GALNTL6: variants seen among roughly 807,000 people sequenced by gnomAD.
The protein encoded by GALNTL6 is polypeptide N-acetylgalactosaminyltransferase like 6.
In GALNTL6, 46 loss-of-function variants were observed where a neutral mutation model predicts 73.7. That is an observed-to-expected ratio of 0.62 (90% CI 0.49 to 0.80). The LOEUF (loss-of-function observed/expected upper bound fraction) is 0.80, where lower values mean the gene tolerates loss of function less well. Among genes scored for constraint, GALNTL6 ranks in the 30% least tolerant of loss-of-function variants. The probability of loss-of-function intolerance (pLI) is 0.00; values close to 1 mark genes in which losing one functional copy is unlikely to be tolerated. For missense variants in GALNTL6, 604 were observed against 755.0 expected (o/e 0.80, Z 2.34); for synonymous variants, 259 against 263.7 (o/e 0.98, Z 0.17).
At chr4:172,168,279 G>A (rs1226721088) in intron 2 of GALNTL6, among the ~76,000 whole-genome samples, 1 of 149,550 alleles carries the variant, frequency 6.7e-6, no homozygotes, top group Admixed American at 6.6e-5. Flanking sequence ...TGTTTGTTTT[G>A]TTTTGTTTTG....
At chr4:171,830,530 A>G (rs907900529) in intron 2 of GALNTL6, among the ~76,000 whole-genome samples, 13 of 152,306 alleles carry the variant, frequency 8.5e-5, no homozygotes, top group African/African-American at 2.9e-4. Flanking sequence ...CACAATCAAA[A>G]TATGTATAAA....
At chr4:172,587,556 T>C (rs1737461203) in intron 5 of GALNTL6, among the ~76,000 whole-genome samples, 1 of 152,204 alleles carries the variant, frequency 6.6e-6, no homozygotes, top group Admixed American at 6.5e-5. Context: ...ACCTTTCCAA[T>C]GTAATCTCTC....
At chr4:172,138,536 T>A (rs1733716297) in intron 2 of GALNTL6, among the ~76,000 whole-genome samples, 1 of 61,502 alleles carries the variant, frequency 1.6e-5, no homozygotes, top group Non-Finnish European at 3.3e-5. Flanking sequence ...TTTTTTTTTT[T>A]TTTTTTTTTT....
intron 5 of GALNTL6, among the ~76,000 whole-genome samples, chr4:172,642,061 C>CA: frequency 6.6e-6 from 1 of 151,944 alleles, no homozygotes; most frequent in East Asian, 1.9e-4. Context: ...TGGTTATTAT[C>CA]AAAAATACAA....
intron 7 of GALNTL6, among the ~76,000 whole-genome samples, chr4:172,827,155 T>G (rs1027113495): frequency 2.0e-5 from 3 of 152,174 alleles, no homozygotes; most frequent in Non-Finnish European, 1.5e-5. Flanking sequence ...CAGCTCTACT[T>G]AAGTTCTAAG....
At chr4:171,960,521 C>T (rs1560860210) in intron 2 of GALNTL6, among the ~76,000 whole-genome samples, 2 of 151,936 alleles carry the variant, frequency 1.3e-5, no homozygotes, top group Non-Finnish European at 2.9e-5. Flanking sequence ...CTCAGGCAAT[C>T]CACCCACCTC....
At chr4:171,881,681 A>T (rs1008734989) in intron 2 of GALNTL6, among the ~76,000 whole-genome samples, 10 of 152,170 alleles carry the variant, frequency 6.6e-5, no homozygotes, top group African/African-American at 1.7e-4. Context: ...TTTAGGGAAT[A>T]CTTTTTCTCT....
intron 2 of GALNTL6, among the ~76,000 whole-genome samples, chr4:171,998,006 A>T (rs1184980971): frequency 6.6e-6 from 1 of 152,162 alleles, no homozygotes; most frequent in Non-Finnish European, 1.5e-5. Flanking sequence ...TGGGAGGCAG[A>T]GAAGAGGCTG....
At chr4:172,453,709 T>A (rs1243201512) in intron 5 of GALNTL6, among the ~76,000 whole-genome samples, 1 of 152,236 alleles carries the variant, frequency 6.6e-6, no homozygotes, top group Non-Finnish European at 1.5e-5. Flanking sequence ...TTACAGAGGA[T>A]ACACTGGGAG....
At chr4:172,090,213 C>A (rs892383291) in intron 2 of GALNTL6, among the ~76,000 whole-genome samples, 2 of 152,062 alleles carry the variant, frequency 1.3e-5, no homozygotes, top group Non-Finnish European at 2.9e-5. Flanking sequence ...TGGATATATA[C>A]CCAGTAATAA....
intron 5 of GALNTL6, among the ~76,000 whole-genome samples, chr4:172,566,227 G>A (rs1481909409): frequency 6.6e-6 from 1 of 152,098 alleles, no homozygotes; most frequent in Non-Finnish European, 1.5e-5. Flanking sequence ...ACCACCAACA[G>A]TATCAGAATA....
chr4:171,912,862 C>T (rs1401901714), intron 2 of GALNTL6, among the ~76,000 whole-genome samples: 1 of 152,164 alleles, frequency 6.6e-6, no homozygotes, highest in Non-Finnish European at 1.5e-5. Context: ...ATTCGTGTTG[C>T]TGCAAATAAC....
chr4:172,047,771 G>A (rs1742262664), intron 2 of GALNTL6, among the ~76,000 whole-genome samples: 1 of 151,910 alleles, frequency 6.6e-6, no homozygotes, highest in Non-Finnish European at 1.5e-5. Flanking sequence ...AAAAAACAAA[G>A]AATTGATAGT....
chr4:172,479,939 A>G (rs1266641904), intron 5 of GALNTL6, among the ~76,000 whole-genome samples: 1 of 152,230 alleles, frequency 6.6e-6, no homozygotes, highest in African/African-American at 2.4e-5. Context: ...GACACATGTC[A>G]TAAATAGAGG....
chr4:172,663,714 G>A (rs1321253547), intron 5 of GALNTL6, among the ~76,000 whole-genome samples: 1 of 152,006 alleles, frequency 6.6e-6, no homozygotes, highest in Non-Finnish European at 1.5e-5. Context: ...GGCTCACTTA[G>A]GGTCAGGAGT....
At chr4:172,749,682 A>G (rs1737318162) in intron 5 of GALNTL6, among the ~76,000 whole-genome samples, 1 of 151,838 alleles carries the variant, frequency 6.6e-6, no homozygotes, top group African/African-American at 2.4e-5. Flanking sequence ...CAATCATATT[A>G]TTAAGGTCTA....
intron 7 of GALNTL6, among the ~76,000 whole-genome samples, chr4:172,859,580 A>T (rs1434566218): frequency 6.6e-6 from 1 of 152,206 alleles, no homozygotes; most frequent in Non-Finnish European, 1.5e-5. Flanking sequence ...AAAAATTAGT[A>T]ACTATCCACT....
intron 4 of GALNTL6, among the ~76,000 whole-genome samples, chr4:172,327,079 G>A (rs1740968370): frequency 6.6e-6 from 1 of 151,934 alleles, no homozygotes; most frequent in Admixed American, 6.6e-5. Flanking sequence ...ATATTTTTAA[G>A]TGAATAGATA....
chr4:171,991,890 A>G (rs2110738652), intron 2 of GALNTL6, among the ~76,000 whole-genome samples: 1 of 151,890 alleles, frequency 6.6e-6, no homozygotes, highest in African/African-American at 2.4e-5. Flanking sequence ...TCTTATGTCA[A>G]TAAGTAACTG....
Sources: gnomAD v4.1 joint callset for allele counts (sites outside exome capture counted in the v4.1 genomes callset) on GRCh38, gnomAD v4.1.1 for gene constraint, MANE v1.5 for transcripts, NCBI Gene and HGNC (gene_info 2026-07-23, HGNC 2026-07-21) for gene names.